The following SEPTIN9 variants were observed in gnomAD, a reference collection of about 807,000 sequenced individuals.
SEPTIN9 encodes the protein septin-9.
SEPTIN9 carries 13 observed loss-of-function variants against 56.6 expected under a neutral mutation model. The observed-to-expected ratio is 0.23, with a 90% CI of 0.15 to 0.37. The LOEUF (loss-of-function observed/expected upper bound fraction) is 0.37. Ranked by LOEUF, SEPTIN9 falls within the 10% of genes least tolerant of loss-of-function variation. SEPTIN9 has a pLI of 1.00. For missense variants in SEPTIN9, 650 were observed against 823.1 expected, an observed-to-expected ratio of 0.79 and a Z score of 2.57; for synonymous variants, 332 against 334.1, an observed-to-expected ratio of 0.99 and a Z score of 0.07.
intron 2 of SEPTIN9, among the ~76,000 whole-genome samples, chr17:77,355,938 C>T (rs1476867733): frequency 6.8e-6 from 1 of 146,782 alleles, no homozygotes. Flanking sequence ...GCCGAGATCG[C>T]GTCACTGCAC....
At position 77,482,330 on chromosome 17, in the gene SEPTIN9, T is replaced by C; in HGVS notation, c.908T>C (p.Val303Ala). ...MKQGFEFNIMVVGQSGLGKST... is the reference protein window; with the variant it reads ...MKQGFEFNIMAVGQSGLGKST... ...CAGGGCTTCGAGTTCAACATCATGGTGGTCGGTGAGTCCTCACCTTGCATG... is the reference window on the plus strand; with the variant it reads ...CAGGGCTTCGAGTTCAACATCATGGCGGTCGGTGAGTCCTCACCTTGCATG... The change falls in exon 4 of 12, where the codon GTG (valine) becomes GCG (alanine). Residue 303 changes from valine (V) to alanine (A), a missense_variant. By Grantham distance (64) the Val-to-Ala change is moderately conservative. Coordinates refer to ENST00000427177, the MANE Select transcript of SEPTIN9 (RefSeq NM_001113491.2). 6.2e-7 allele frequency: 1 copy of C among 1,612,072 alleles called. No homozygotes were observed.
chr17:77,422,209 T>C (rs564479026), intron 3 of SEPTIN9, among the ~76,000 whole-genome samples: 5 of 152,300 alleles, frequency 3.3e-5, no homozygotes, highest in African/African-American at 1.2e-4. Flanking sequence ...GACCCGGGCC[T>C]CAGCCTTATG....
In SEPTIN9 at chr17:77,460,876, G is replaced by A. The variant is rs553000544; in HGVS notation, c.722-21268G>A. Among the ~76,000 whole-genome samples, 11 of 152,292 alleles carry A rather than the reference G, an allele frequency of 7.2e-5. 1 individual carries two copies. In the South Asian group the frequency reaches 2.1e-3, roughly 29 times the overall value. Reference sequence around the variant, plus strand: ...GGGATGAGTTGAGTGAGACCCTTCCGGCTTCTGACTGGCTGTGTTTCTGTT... The same window carrying A: ...GGGATGAGTTGAGTGAGACCCTTCCAGCTTCTGACTGGCTGTGTTTCTGTT... On this transcript the variant is annotated intron_variant, in intron 3 of 11. Transcript: ENST00000427177.
At chr17:77,440,809 A>G (rs1308096245) in intron 3 of SEPTIN9, among the ~76,000 whole-genome samples, 2 of 152,206 alleles carry the variant, frequency 1.3e-5, no homozygotes, top group African/African-American at 4.8e-5. Flanking sequence ...AGGTTAAGAA[A>G]TGGGCCCAGA....
At chr17:77,391,596 T>G (rs1362360673) in intron 2 of SEPTIN9, among the ~76,000 whole-genome samples, 2 of 152,226 alleles carry the variant, frequency 1.3e-5, no homozygotes, top group Non-Finnish European at 2.9e-5. Flanking sequence ...GTGATCATGT[T>G]CGCAGGTTCC....
At chr17:77,439,090 C>G (rs1480417515) in intron 3 of SEPTIN9, among the ~76,000 whole-genome samples, 3 of 152,124 alleles carry the variant, frequency 2.0e-5, no homozygotes, top group Non-Finnish European at 1.5e-5. Flanking sequence ...GCCTGATTTG[C>G]AAGTGAAGAA....
At chr17:77,305,928 A>G (rs1215167836) in intron 1 of SEPTIN9, among the ~76,000 whole-genome samples, 2 of 110,978 alleles carry the variant, frequency 1.8e-5, no homozygotes, top group Admixed American at 9.6e-5. Context: ...GGGTGGGTGG[A>G]TGGATGGATG....
intron 2 of SEPTIN9, among the ~76,000 whole-genome samples, chr17:77,381,595 TCTC>T (rs1477276497): frequency 6.6e-6 from 1 of 152,238 alleles, no homozygotes; most frequent in African/African-American, 2.4e-5. Flanking sequence ...GGGGTGGTCT[TCTC>T]CTCTGTCCTC....
chr17:77,286,727 G>A (rs2031297089), intron 1 of SEPTIN9, among the ~76,000 whole-genome samples: 1 of 152,176 alleles, frequency 6.6e-6, no homozygotes, highest in Non-Finnish European at 1.5e-5. Context: ...AGTGTTGCGT[G>A]GGCTCTGAAG....
chr17:77,303,856 A>G (rs953567221), intron 1 of SEPTIN9, among the ~76,000 whole-genome samples: 5 of 152,122 alleles, frequency 3.3e-5, no homozygotes, highest in African/African-American at 1.2e-4. Flanking sequence ...GTCATCTCCC[A>G]GGGCCCACAG....
intron 3 of SEPTIN9, among the ~76,000 whole-genome samples, chr17:77,420,298 A>G (rs546443910): frequency 6.6e-6 from 1 of 152,168 alleles, no homozygotes; most frequent in African/African-American, 2.4e-5. Context: ...TCAGCTCCCC[A>G]TGTTCAGTCC....
chr17:77,475,506 C>T lies in SEPTIN9; in HGVS notation c.722-6638C>T, dbSNP rs1321972559. On this transcript the variant is annotated intron_variant, in intron 3 of 11. Coordinates refer to ENST00000427177, the MANE Select transcript of SEPTIN9 (RefSeq NM_001113491.2). The surrounding 1 kb of genome is among the most constrained non-coding windows in gnomAD (Gnocchi z 4.6). ...GGGAGCATCTGTTAGTTTATAGGACCTGAAGTGCCCCCATGGGCTCAAGTT... is the reference window on the plus strand; with the variant it reads ...GGGAGCATCTGTTAGTTTATAGGACTTGAAGTGCCCCCATGGGCTCAAGTT... The T allele has an allele frequency of 2.5e-6, 4 of 1,608,564 alleles. No individual in the cohort carries two copies. The highest frequency in any genetic ancestry group is 3.4e-6 in the Non-Finnish European group (4 of 1,178,302).
intron 2 of SEPTIN9, among the ~76,000 whole-genome samples, chr17:77,398,674 G>T (rs1249423041): frequency 2.0e-5 from 3 of 152,224 alleles, no homozygotes; most frequent in Non-Finnish European, 4.4e-5. Context: ...CCGGAATGGG[G>T]CGCCTCCTGT....
At chr17:77,396,585 T>C (rs2035723125) in intron 2 of SEPTIN9, among the ~76,000 whole-genome samples, 1 of 151,840 alleles carries the variant, frequency 6.6e-6, no homozygotes, top group Non-Finnish European at 1.5e-5. Flanking sequence ...GGCCTGCACA[T>C]TGGGAAGAGA....
At chr17:77,483,925 C>T (rs947460485) in intron 4 of SEPTIN9, 2 of 152,472 alleles carry the variant, frequency 1.3e-5, no homozygotes, top group African/African-American at 2.4e-5. Flanking sequence ...CAGCTGTGCC[C>T]ACCTGCAGAG....
intron 3 of SEPTIN9, chr17:77,454,052 C>G (rs1323274492): frequency 1.0e-6 from 1 of 985,230 alleles, no homozygotes; most frequent in Admixed American, 6.1e-5. Flanking sequence ...TCTCCCTGGC[C>G]GGGAGTGTGG....
At chr17:77,364,707 G>A (rs1321451340) in intron 2 of SEPTIN9, among the ~76,000 whole-genome samples, 1 of 152,222 alleles carries the variant, frequency 6.6e-6, no homozygotes, top group African/African-American at 2.4e-5. Flanking sequence ...AGACGGGCAG[G>A]GGTCCCCCAA....
chr17:77,403,298 C>T (rs912450861), intron 3 of SEPTIN9, among the ~76,000 whole-genome samples: 1 of 152,202 alleles, frequency 6.6e-6, no homozygotes. Context: ...ACATGAGGAG[C>T]ACCTTAGCCT....
chr17:77,432,764 G>C (rs1353607049), intron 3 of SEPTIN9, among the ~76,000 whole-genome samples: 1 of 152,266 alleles, frequency 6.6e-6, no homozygotes, highest in Admixed American at 6.5e-5. Flanking sequence ...TGGATTTCAG[G>C]ACACTGATGA....
Sources: gnomAD v4.1 joint callset for allele counts (sites outside exome capture counted in the v4.1 genomes callset) on GRCh38, gnomAD v4.1.1 for gene constraint, Gnocchi (gnomAD v3.1) non-coding constraint, MANE v1.5 for transcripts, NCBI Gene and HGNC (gene_info 2026-07-23, HGNC 2026-07-21) for gene names.